ULK4: variants seen among roughly 807,000 people sequenced by gnomAD.
ULK4 encodes unc-51 like kinase 4, also known as inactive serine/threonine-protein kinase ULK4.
A neutral mutation model predicts 160.6 loss-of-function variants in ULK4; 133 were observed. That is an observed-to-expected ratio of 0.83 (90% CI 0.72 to 0.96). ULK4 has a LOEUF of 0.96. ULK4 is among the 40% of genes least tolerant of loss of function. ULK4 has a pLI of 0.00. For missense variants in ULK4, 1,580 were observed against 1,499.5 expected (o/e 1.05, Z -0.89); for synonymous variants, 534 against 539.8 (o/e 0.99, Z 0.15).
chr3:41,865,222 G>C (rs996736256), intron 17 of ULK4, among the ~76,000 whole-genome samples: 3 of 122,848 alleles, frequency 2.4e-5, no homozygotes, highest in Non-Finnish European at 3.2e-5. Context: ...GCAGTGAACC[G>C]ATCACGCCAC....
At chr3:41,741,075 C>T (rs2038225072) in intron 22 of ULK4, among the ~76,000 whole-genome samples, 1 of 151,896 alleles carries the variant, frequency 6.6e-6, no homozygotes, top group Non-Finnish European at 1.5e-5. Flanking sequence ...CAAGGATCCC[C>T]TTAATCCCTT....
At chr3:41,643,380 G>T (rs1169348967) in intron 30 of ULK4, among the ~76,000 whole-genome samples, 4 of 152,208 alleles carry the variant, frequency 2.6e-5, no homozygotes. Flanking sequence ...AAGGTGTAAG[G>T]AAGGGAACCA....
chr3:41,673,264 T>C (rs2035597290), intron 29 of ULK4, among the ~76,000 whole-genome samples: 2 of 152,112 alleles, frequency 1.3e-5, no homozygotes, highest in African/African-American at 4.8e-5. Context: ...TGCTTATAGC[T>C]AAGGGAGACA....
At chr3:41,884,250 G>A (rs1226422198) in intron 16 of ULK4, among the ~76,000 whole-genome samples, 6 of 152,136 alleles carry the variant, frequency 3.9e-5, no homozygotes, top group Non-Finnish European at 8.8e-5. Context: ...TTTAACCAGA[G>A]AAAAGAGCAA....
chr3:41,684,714 C>G (rs1023604617), intron 27 of ULK4, among the ~76,000 whole-genome samples: 2 of 152,174 alleles, frequency 1.3e-5, no homozygotes, highest in Non-Finnish European at 2.9e-5. Flanking sequence ...CTCCTCTACC[C>G]CCTCTCTAGA....
At chr3:41,425,142 G>A (rs1296778063) in intron 34 of ULK4, among the ~76,000 whole-genome samples, 2 of 151,936 alleles carry the variant, frequency 1.3e-5, no homozygotes, top group Admixed American at 6.6e-5. Flanking sequence ...CAAGAACTTC[G>A]CAATGCAACC....
At chr3:41,387,884 T>C (rs188781323) in intron 35 of ULK4, among the ~76,000 whole-genome samples, 3 of 152,338 alleles carry the variant, frequency 2.0e-5, no homozygotes, top group South Asian at 2.1e-4. Context: ...TTTGAGTATA[T>C]ACCCAGTAAT....
At chr3:41,958,966 G>A (rs377455737) in intron 1 of ULK4, among the ~76,000 whole-genome samples, 6 of 152,100 alleles carry the variant, frequency 3.9e-5, no homozygotes, top group South Asian at 4.1e-4. Flanking sequence ...AATGACTCAC[G>A]TCTATAATCC....
chr3:41,533,364 T>G (rs1449109602), intron 32 of ULK4, among the ~76,000 whole-genome samples: 1 of 152,256 alleles, frequency 6.6e-6, no homozygotes. Flanking sequence ...CCTTCATACA[T>G]CTCCATACTA....
intron 27 of ULK4, among the ~76,000 whole-genome samples, chr3:41,689,057 C>A (rs9857810): frequency 0.016 from 2,376 of 152,298 alleles, 63 homozygotes; most frequent in African/African-American, 0.054. Flanking sequence ...CCGAACCAAT[C>A]ACATAGGATG....
intron 27 of ULK4, among the ~76,000 whole-genome samples, chr3:41,696,229 C>G (rs77207045): frequency 1.3e-5 from 2 of 152,236 alleles, no homozygotes; most frequent in Non-Finnish European, 2.9e-5. Context: ...TGGTGCTATG[C>G]TTCAGTGGTC....
intron 35 of ULK4, among the ~76,000 whole-genome samples, chr3:41,275,867 G>A (rs1225578868): frequency 1.3e-5 from 2 of 152,238 alleles, no homozygotes; most frequent in Non-Finnish European, 2.9e-5. Context: ...CTCCCAGGCA[G>A]AACAGGTGGT....
chr3:41,950,077 CTATTTT>C (rs1399482530), intron 2 of ULK4, among the ~76,000 whole-genome samples: 1 of 151,410 alleles, frequency 6.6e-6, no homozygotes, highest in African/African-American at 2.4e-5. Context: ...TGGCAAAACT[CTATTTT>C]TATTTTTCTT....
At position 41,651,431 on chromosome 3, in the gene ULK4, G is replaced by A. The variant is rs372130869; in HGVS notation, c.3071+12176C>T. ...CTTCTAACTAGTGGAAGGTATGTTT[G>A]TTTAAGTTGATTTCCTTGTTTATTG... On this transcript the variant is annotated intron_variant, in intron 30 of 36. Coordinates refer to ENST00000301831, the MANE Select transcript of ULK4 (RefSeq NM_017886.4). Among the ~76,000 whole-genome samples the A allele has an allele frequency of 1.5e-4, 23 of 152,292 alleles. No homozygotes were observed. The East Asian group carries it at 4.4e-3, about 29-fold the overall frequency.
At chr3:41,858,163 T>G (rs1309287365) in intron 17 of ULK4, among the ~76,000 whole-genome samples, 3 of 145,266 alleles carry the variant, frequency 2.1e-5, no homozygotes, top group African/African-American at 7.6e-5. Context: ...TTTTTTTTTT[T>G]TTTTTTTGGC....
At chr3:41,507,500 C>A (rs1441407281) in intron 32 of ULK4, among the ~76,000 whole-genome samples, 4 of 151,022 alleles carry the variant, frequency 2.6e-5, no homozygotes, top group Non-Finnish European at 5.9e-5. Flanking sequence ...TATTCAGAAG[C>A]CCCTGTGAGA....
rs574557155 is a variant in ULK4, at chr3:41,850,728, G to A, written c.1657-14757C>T. Among the ~76,000 whole-genome samples, 76 of 152,212 alleles carry A rather than the reference G, an allele frequency of 5.0e-4. 1 individual carries two copies. The highest frequency in any genetic ancestry group is 2.7e-3 in the South Asian group (13 of 4,826). ...TATTAGTCCTTTGTCAGATGAGTAG[G>A]TTGCAAAAATTTTCTCCCATTCTGT... On this transcript the variant is annotated intron_variant, in intron 17 of 36. Transcript: ENST00000301831.
chr3:41,489,476 C>T (rs932157294), intron 32 of ULK4, among the ~76,000 whole-genome samples: 14 of 152,136 alleles, frequency 9.2e-5, no homozygotes, highest in Non-Finnish European at 4.4e-5. Context: ...GGCCCCATGC[C>T]TCACAATCCT....
intron 21 of ULK4, among the ~76,000 whole-genome samples, chr3:41,781,400 G>A (rs2039836756): frequency 1.4e-5 from 2 of 143,360 alleles, no homozygotes; most frequent in South Asian, 2.2e-4. Flanking sequence ...CTGGGCAACA[G>A]AGCGAGACTC....
Sources: allele counts gnomAD v4.1 joint callset (sites outside exome capture counted in the v4.1 genomes callset), GRCh38; gene constraint gnomAD v4.1.1; transcripts MANE v1.5; gene names NCBI Gene and HGNC (gene_info 2026-07-23, HGNC 2026-07-21).